Variants in C22orf39 observed in about 807,000 individuals in gnomAD.
The protein encoded by C22orf39 is synaptic plasticity regulator PANTS.
Under a neutral mutation model 18.3 loss-of-function variants are expected in C22orf39, and 20 were observed. That is an observed-to-expected ratio of 1.09 (90% CI 0.77 to 1.59). C22orf39 has a LOEUF of 1.59. Among genes scored for constraint, C22orf39 ranks in the 40% most tolerant of loss-of-function variants. C22orf39 has a pLI of 0.00. For missense variants in C22orf39, 195 were observed against 156.1 expected (o/e 1.25, Z -1.33); for synonymous variants, 63 against 59.6 (o/e 1.06, Z -0.26).
At chr22:19,446,551 CTCT>C (rs1229634062) in intron 2 of C22orf39, among the ~76,000 whole-genome samples, 5 of 152,324 alleles carry the variant, frequency 3.3e-5, no homozygotes, top group East Asian at 1.9e-4. Context: ...AGGGCAGAGA[CTCT>C]TCTTATCACT....
rs2089651438 is a variant in C22orf39, at chr22:19,447,670, AGCCGCT to A, written c.13_18del (p.Ser5_Gly6del). 1.9e-6 allele frequency: 3 copies of A among 1,611,144 alleles called. No individual in the cohort carries two copies. The highest frequency in any genetic ancestry group is 1.7e-6 in the Non-Finnish European group (2 of 1,178,988). On this transcript the variant is annotated inframe_deletion, in exon 1 of 3. Transcript: ENST00000399562. The stretch of plus-strand genomic sequence containing the variant: ...CTCCGACCCAGCACACTCACCTGCC[AGCCGCT>A]GCCGTCCGCCATGTCTGGGCGACCG...
rs2089612531 is a variant in C22orf39 at position 19,441,552 on chromosome 22, G to C, written c.*2713C>G. On this transcript the variant is annotated 3_prime_UTR_variant, in exon 3 of 3. Coordinates refer to ENST00000399562, the MANE Select transcript of C22orf39 (RefSeq NM_173793.5). Reference sequence around the variant, plus strand: ...ATTTTTAAAACATTTATTTAGAGATGGGGTCTTGCTCTGTTGCCCAGGCTG... The same window carrying C: ...ATTTTTAAAACATTTATTTAGAGATCGGGTCTTGCTCTGTTGCCCAGGCTG... 1 of 641,040 alleles carries C rather than the reference G, an allele frequency of 1.6e-6. No homozygotes were observed. Among genetic ancestry groups the C allele is most frequent in the African/African-American group, 1.8e-5 (1 of 54,306 alleles). 39.7% of individuals were successfully genotyped at this position (641,040 alleles called of 1,614,324 possible). A position where few individuals can be genotyped will look rare whatever the true frequency, so the allele number is the denominator to read the frequency against.
Position 19,447,553 on chromosome 22 carries a change from G to T in C22orf39, c.25-8C>A. On this transcript the variant is annotated splice_polypyrimidine_tract_variant and splice_region_variant and intron_variant, in intron 1 of 2. Transcript: ENST00000399562. ...CTCGCAGGGGCGCGGCGGCTGCGGC[G>T]AGAGGCGGCGCCTGAGCGGGGCCCG... The T allele has an allele frequency of 7.0e-7, 1 of 1,419,322 alleles. No individual in the cohort carries two copies. Among genetic ancestry groups the T allele is most frequent in the South Asian group, 1.5e-5 (1 of 64,738 alleles). The allele number at this position is 1,419,322 out of a possible 1,614,324, so 87.9% of individuals were successfully genotyped here.
intron 2 of C22orf39, among the ~76,000 whole-genome samples, 194 bp downstream of exon 2, chr22:19,447,184 C>G (rs1209799378): frequency 2.0e-5 from 3 of 152,142 alleles, no homozygotes; most frequent in Admixed American, 2.0e-4. Context: ...CTGGTCTCCT[C>G]CTTTGTCTTT....
chr22:19,443,238 G>T lies in C22orf39; in HGVS notation c.*1027C>A, dbSNP rs2089623056. On this transcript the variant is annotated 3_prime_UTR_variant, in exon 3 of 3. Transcript: ENST00000399562. ...CAAATTAAAAGATATTCAACTTGCT[G>T]CCTGTGTCCAGGAAGAGAGCAGGGA... 2 of 985,354 alleles carry T rather than the reference G, an allele frequency of 2.0e-6. No homozygotes were observed. Among genetic ancestry groups the T allele is most frequent in the Non-Finnish European group, 2.4e-6 (2 of 829,954 alleles). The allele number at this position is 985,354 out of a possible 1,614,324, so 61.0% of individuals were successfully genotyped here.
chr22:19,444,233 G>A lies in C22orf39; in HGVS notation c.*32C>T. ...CAACAGCAACTTGAAACAGACTGAG[G>A]AAGCTGCACAGGCCAATGGCAGGGA... On this transcript the variant is annotated 3_prime_UTR_variant, in exon 3 of 3. Coordinates refer to ENST00000399562, the MANE Select transcript of C22orf39 (RefSeq NM_173793.5). The A allele has an allele frequency of 1.3e-6, 2 of 1,541,762 alleles. No homozygotes were observed. Among genetic ancestry groups the A allele is most frequent in the Non-Finnish European group, 1.7e-6 (2 of 1,149,776 alleles).
Position 19,444,050 on chromosome 22 carries a change from T to C in C22orf39, c.*215A>G, listed in dbSNP as rs761854870. 7.7e-7 allele frequency: 1 copy of C among 1,304,818 alleles called. No individual in the cohort carries two copies. Among genetic ancestry groups the C allele is most frequent in the Non-Finnish European group, 9.7e-7 (1 of 1,032,264 alleles). 80.8% of individuals were successfully genotyped at this position (1,304,818 alleles called of 1,614,324 possible). On this transcript the variant is annotated 3_prime_UTR_variant, in exon 3 of 3. Transcript: ENST00000399562. ...TGGCCTCCTGGAAGCTCTAAAGCGG[T>C]GCAATTGTCCTGCAGAACATCGCAG...
intron 2 of C22orf39, among the ~76,000 whole-genome samples, chr22:19,446,911 A>G (rs368483512): frequency 2.0e-5 from 3 of 152,296 alleles, no homozygotes; most frequent in Non-Finnish European, 4.4e-5. Flanking sequence ...TATGCCTCCC[A>G]GCACACTTTA....
Position 19,447,402 on chromosome 22 carries a change from C to A in C22orf39, c.168G>T (p.Glu56Asp), listed in dbSNP as rs779878857. 88 of 1,505,176 alleles carry A rather than the reference C, an allele frequency of 5.8e-5. No homozygotes were observed. The highest frequency in any genetic ancestry group is 3.5e-6 in the Non-Finnish European group (4 of 1,134,738). 93.2% of individuals were successfully genotyped at this position (1,505,176 alleles called of 1,614,324 possible). A position where few individuals can be genotyped will look rare whatever the true frequency, so the allele number is the denominator to read the frequency against. ...CCTGGGCCTCGGCGTTCCGGCGCTC[C>A]TCCCAGTCGCGGCAGCTGGCCAGGT... ...QRDLASCRDW[E>D]ERRNAEAQQS... is the part of the protein sequence containing the mutation. The change falls in exon 2 of 3, where the codon GAG becomes GAT. Residue 56 changes from glutamate (E) to aspartate (D), a missense_variant. By Grantham distance (45) the Glu-to-Asp change is conservative. Transcript: ENST00000399562.
At chr22:19,446,596 A>G (rs1179207082) in intron 2 of C22orf39, among the ~76,000 whole-genome samples, 3 of 152,204 alleles carry the variant, frequency 2.0e-5, no homozygotes, top group Admixed American at 2.0e-4. Flanking sequence ...AATGTGGTAC[A>G]TATTTGCTGG....
Position 19,447,520 on chromosome 22 carries a change from C to CGGTA in C22orf39, c.46_49dup (p.Arg17LeufsTer54). ...GCTGCGGCAGAGCTTCCACTCGGCG[C>CGGTA]GGTAGGCCTCGCAGGGGCGCGGCGG... On this transcript the variant is annotated frameshift_variant, in exon 2 of 3. Transcript: ENST00000399562. LOFTEE classifies it high-confidence loss of function. The CGGTA allele has an allele frequency of 6.8e-7, 1 of 1,479,180 alleles. No homozygotes were observed. The highest frequency in any genetic ancestry group is 8.9e-7 in the Non-Finnish European group (1 of 1,119,784). 91.6% of individuals were successfully genotyped at this position (1,479,180 alleles called of 1,614,324 possible). A position where few individuals can be genotyped will look rare whatever the true frequency, so the allele number is the denominator to read the frequency against.
intron 2 of C22orf39, among the ~76,000 whole-genome samples, chr22:19,446,168 T>A (rs1438480894): frequency 1.3e-5 from 2 of 152,170 alleles, no homozygotes; most frequent in Non-Finnish European, 2.9e-5. Flanking sequence ...CATTTTTCCA[T>A]TCTGAAATAA....
intron 2 of C22orf39, 72 bp downstream of exon 2, chr22:19,447,306 G>A: frequency 7.3e-7 from 1 of 1,367,040 alleles, no homozygotes; most frequent in Non-Finnish European, 9.4e-7. Context: ...CGGGGCATGG[G>A]GCGTGGAGGG....
intron 2 of C22orf39, 122 bp downstream of exon 2, chr22:19,447,256 G>A (rs1249381373): frequency 2.9e-6 from 3 of 1,038,510 alleles, no homozygotes; most frequent in South Asian, 4.1e-5. Flanking sequence ...GAAAGGAAGC[G>A]TGAGGAGGAT....
chr22:19,444,273 C>A lies in C22orf39; in HGVS notation c.310G>T (p.Asp104Tyr). 1 of 1,584,686 alleles carries A rather than the reference C, an allele frequency of 6.3e-7. No homozygotes were observed. ...DWHLPLPQEK[D>Y]E is the part of the protein sequence containing the mutation. ...AATGGCAGGGATGCTTGTCACTCGT[C>A]CTTCTCCTGTGGCAGAGGGAGATGC... The change falls in exon 3 of 3, where the codon GAC (aspartate) becomes TAC (tyrosine). Residue 104 changes from aspartate to tyrosine, a missense_variant. Coordinates refer to ENST00000399562, the MANE Select transcript of C22orf39 (RefSeq NM_173793.5).
chr22:19,444,012 C>T lies in C22orf39; in HGVS notation c.*253G>A, dbSNP rs2089627236. 1.6e-6 allele frequency: 2 copies of T among 1,235,298 alleles called. No individual in the cohort carries two copies. The highest frequency in any genetic ancestry group is 7.3e-5 in the East Asian group (2 of 27,276). 76.5% of individuals were successfully genotyped at this position (1,235,298 alleles called of 1,614,324 possible). A position where few individuals can be genotyped will look rare whatever the true frequency, so the allele number is the denominator to read the frequency against. On this transcript the variant is annotated 3_prime_UTR_variant, in exon 3 of 3. Transcript: ENST00000399562. ...GCCTGACCTGGCTGCTCACAAGTAC[C>T]TGCCATAATGCTTGGCCTCCTGGAA...
rs1695971364 is a variant in C22orf39 at position 19,443,006 on chromosome 22, C to G, written c.*1259G>C. 2.3e-6 allele frequency: 1 copy of G among 443,312 alleles called. No homozygotes were observed. The highest frequency in any genetic ancestry group is 9.3e-5 in the South Asian group (1 of 10,792). The allele number at this position is 443,312 out of a possible 1,614,324, so 27.5% of individuals were successfully genotyped here. On this transcript the variant is annotated 3_prime_UTR_variant, in exon 3 of 3. Transcript: ENST00000399562. ...GGCACCCTGGTTGCCTTAGACACAT[C>G]AGTACTCCCCTGATGATGGGGGAAC...
rs1028896344 is a variant in C22orf39, at chr22:19,441,485, A to C, written c.*2780T>G. Reference sequence around the variant, plus strand: ...TCTATGCCAGATAATAATGTAAAATACTTATTATTAATATGGGGTTTTATC... The same window carrying C: ...TCTATGCCAGATAATAATGTAAAATCCTTATTATTAATATGGGGTTTTATC... On this transcript the variant is annotated 3_prime_UTR_variant, in exon 3 of 3. Transcript: ENST00000399562. The C allele has an allele frequency of 1.2e-5, 7 of 590,330 alleles. No homozygotes were observed. The highest frequency in any genetic ancestry group is 2.1e-5 in the Non-Finnish European group (7 of 333,594). 36.6% of individuals were successfully genotyped at this position (590,330 alleles called of 1,614,324 possible). A position where few individuals can be genotyped will look rare whatever the true frequency, so the allele number is the denominator to read the frequency against.
At chr22:19,444,905 G>A in intron 2 of C22orf39, among the ~76,000 whole-genome samples, 1 of 152,192 alleles carries the variant, frequency 6.6e-6, no homozygotes, top group East Asian at 1.9e-4. Context: ...GGTGCCACAA[G>A]TGCCACTTAA....
Sources: allele counts gnomAD v4.1 joint callset (sites outside exome capture counted in the v4.1 genomes callset), GRCh38; gene constraint gnomAD v4.1.1; transcripts MANE v1.5; gene names NCBI Gene and HGNC (gene_info 2026-07-23, HGNC 2026-07-21).